The following SPTA1 variants were observed in gnomAD, a reference collection of about 807,000 sequenced individuals.
The protein encoded by SPTA1 is spectrin alpha, erythrocytic 1.
SPTA1 carries 177 observed loss-of-function variants against 324.7 expected under a neutral mutation model. The observed-to-expected ratio is 0.55, with a 90% CI of 0.48 to 0.62. SPTA1 has a LOEUF of 0.62. SPTA1 is among the 20% of genes least tolerant of loss of function. The pLI, the probability that SPTA1 is intolerant of heterozygous loss-of-function variation, is 0.00. For synonymous variants in SPTA1, 1,195 were observed against 1,041.3 expected, an observed-to-expected ratio of 1.15 and a Z score of -2.84; for missense variants, 3,162 against 2,883.6, an observed-to-expected ratio of 1.10 and a Z score of -2.21.
chr1:158,684,714 T>C (rs1655045131), intron 2 of SPTA1, among the ~76,000 whole-genome samples: 1 of 152,154 alleles, frequency 6.6e-6, no homozygotes, highest in Non-Finnish European at 1.5e-5. Flanking sequence ...TTTTTTACTT[T>C]TGGCATTGAT....
chr1:158,629,177 CAAAAT>C (rs1311092224), intron 39 of SPTA1, among the ~76,000 whole-genome samples: 3 of 130,004 alleles, frequency 2.3e-5, no homozygotes, highest in East Asian at 2.3e-4. Context: ...TCAAGAGAGA[CAAAAT>C]ATATCTCTAT....
chr1:158,619,775 G>A (rs1330348513), intron 44 of SPTA1, among the ~76,000 whole-genome samples: 1 of 152,114 alleles, frequency 6.6e-6, no homozygotes, highest in African/African-American at 2.4e-5. Flanking sequence ...TATTAACACA[G>A]ACAAAAGCTA....
chr1:158,620,294 T>G lies in SPTA1; in HGVS notation c.6293A>C (p.Asp2098Ala). 6.2e-7 allele frequency: 1 copy of G among 1,614,086 alleles called. No homozygotes were observed. ...FLASLARAQA[D>A]FKCLLELDQQ... Reference sequence around the variant, plus strand: ...GTCTAGCTCCAGCAAACATTTAAAGTCTGCTTGAGCCCTAGCCAGGGAGGC... The same window carrying G: ...GTCTAGCTCCAGCAAACATTTAAAGGCTGCTTGAGCCCTAGCCAGGGAGGC... Residue 2098 changes from aspartate to alanine, a missense_variant, in exon 44 of 52, where the codon GAC becomes GCC. By Grantham distance (126) the Asp-to-Ala change is moderately radical (BLOSUM62 -2). Transcript: ENST00000643759.
At position 158,656,572 on chromosome 1, in the gene SPTA1, C is replaced by G; in HGVS notation, c.2890G>C (p.Ala964Pro). ...SMKALRNQAN[A>P]CQQQQAAPVE... is the part of the protein sequence containing the mutation. ...CGCTAAGTTAGTCTTACCTGGCAGG[C>G]GTTTGCCTGATTCCGCAGAGCTTTC... Residue 964 changes from alanine to proline, a missense_variant, in exon 20 of 52, where the codon GCC (alanine) becomes CCC (proline). Coordinates refer to ENST00000643759, the MANE Select transcript of SPTA1 (RefSeq NM_003126.4). 1 of 1,613,640 alleles carries G rather than the reference C, an allele frequency of 6.2e-7. No homozygotes were observed. The highest frequency in any genetic ancestry group is 1.1e-5 in the South Asian group (1 of 91,076).
chr1:158,615,090 G>C, intron 48 of SPTA1, 126 bp downstream of exon 48: 2 of 1,029,218 alleles, frequency 1.9e-6, no homozygotes, highest in Non-Finnish European at 3.0e-6. Flanking sequence ...GGGCAGTAAA[G>C]ACCCAGAATA....
chr1:158,626,061 C>A, intron 42 of SPTA1, 85 bp downstream of exon 42: 1 of 1,276,444 alleles, frequency 7.8e-7, no homozygotes, highest in Non-Finnish European at 1.1e-6. Context: ...ACAATAAAAT[C>A]CCAAAATTCA....
rs190580061 is a variant in SPTA1 at position 158,677,019 on chromosome 1, A to G, written c.957+671T>C. Among the ~76,000 whole-genome samples the G allele has an allele frequency of 2.6e-5, 4 of 152,300 alleles. No individual in the cohort carries two copies. In the East Asian group the frequency reaches 7.7e-4, roughly 29 times the overall value. ...GTGGAAGTTTGCAGAAACTGGACACAGGGACAGGCCTAAAATTAAATTACA... is the reference window on the plus strand; with the variant it reads ...GTGGAAGTTTGCAGAAACTGGACACGGGGACAGGCCTAAAATTAAATTACA... On this transcript the variant is annotated intron_variant, in intron 7 of 51. Coordinates refer to ENST00000643759, the MANE Select transcript of SPTA1 (RefSeq NM_003126.4).
intron 18 of SPTA1, among the ~76,000 whole-genome samples, chr1:158,659,094 T>C (rs1327432136): frequency 6.6e-6 from 1 of 152,022 alleles, no homozygotes; most frequent in African/African-American, 2.4e-5. Flanking sequence ...AGGGTGAATT[T>C]TTTTCTCATT....
In SPTA1 at chr1:158,674,368, C is replaced by T; in HGVS notation, c.1311G>A (p.Val437=). ...CATCAGAGGCTTCATGATTGGCATT[C>T]ACGAGGTCTTGACCAGTCTCATCAG... The part of the protein sequence containing the change: ...QSADETGQDL[V]NANHEASDEV... Residue 437 remains valine, a synonymous_variant, in exon 10 of 52, where the codon GTG becomes GTA. Coordinates refer to ENST00000643759, the MANE Select transcript of SPTA1 (RefSeq NM_003126.4). 2 of 1,614,088 alleles carry T rather than the reference C, an allele frequency of 1.2e-6. No homozygotes were observed. The highest frequency in any genetic ancestry group is 2.2e-5 in the East Asian group (1 of 44,882).
At chr1:158,631,213 T>C (rs1571401080) in intron 39 of SPTA1, among the ~76,000 whole-genome samples, 1 of 152,176 alleles carries the variant, frequency 6.6e-6, no homozygotes, top group Non-Finnish European at 1.5e-5. Flanking sequence ...AACCAACTTA[T>C]TGCCCAATTA....
chr1:158,665,461 GGA>G (rs1162441873), intron 16 of SPTA1, among the ~76,000 whole-genome samples: 1 of 152,108 alleles, frequency 6.6e-6, no homozygotes, highest in Non-Finnish European at 1.5e-5. Context: ...GATCTTCTAG[GGA>G]ATGGCGGAAT....
rs1274770230 is a variant in SPTA1, at chr1:158,612,767, G to C, written c.7134+50C>G. ...TAGGCCACCGGGCCTGAGATGACCA[G>C]AATTCAAATTAGGATGACAGTGTAG... On this transcript the variant is annotated intron_variant, in intron 51 of 51. Coordinates refer to ENST00000643759, the MANE Select transcript of SPTA1 (RefSeq NM_003126.4). 1.9e-6 allele frequency: 3 copies of C among 1,610,270 alleles called. No individual in the cohort carries two copies. In the East Asian group the frequency reaches 6.7e-5, roughly 36 times the overall value.
At position 158,651,347 on chromosome 1, in the gene SPTA1, A is replaced by G. The variant is rs1167134285; in HGVS notation, c.3477+20T>C. On this transcript the variant is annotated intron_variant, in intron 24 of 51. Transcript: ENST00000643759. ...AAGCCCAACCTGGTAGTGAGGAGGAATGGAGGGAGCCTTAGTTACCTGCCG... is the reference window on the plus strand; with the variant it reads ...AAGCCCAACCTGGTAGTGAGGAGGAGTGGAGGGAGCCTTAGTTACCTGCCG... 1.3e-6 allele frequency: 2 copies of G among 1,555,298 alleles called. No homozygotes were observed. Among genetic ancestry groups the G allele is most frequent in the East Asian group, 2.2e-5 (1 of 44,562 alleles).
chr1:158,663,966 T>C (rs1653423276), intron 16 of SPTA1, among the ~76,000 whole-genome samples: 1 of 152,232 alleles, frequency 6.6e-6, no homozygotes, highest in Non-Finnish European at 1.5e-5. Flanking sequence ...ATTTTATCTA[T>C]GGCTCCTCAA....
intron 35 of SPTA1, among the ~76,000 whole-genome samples, chr1:158,638,636 T>G (rs1272858407): frequency 6.8e-6 from 1 of 147,646 alleles, no homozygotes; most frequent in Non-Finnish European, 1.5e-5. Flanking sequence ...GCCAACATGG[T>G]GAAACCCTGT....
chr1:158,673,745 A>G (rs1030906495), intron 10 of SPTA1, among the ~76,000 whole-genome samples: 4 of 152,270 alleles, frequency 2.6e-5, no homozygotes, highest in South Asian at 2.1e-4. Flanking sequence ...AATGGAATGG[A>G]GGTTTCAAAT....
chr1:158,677,793 G>A lies in SPTA1; in HGVS notation c.854C>T (p.Pro285Leu), dbSNP rs755259437. ...EAIQWIKEKEPVLTSEDYGKD... is the reference protein window; with the variant it reads ...EAIQWIKEKELVLTSEDYGKD... The stretch of plus-strand genomic sequence containing the variant: ...GCCATAGTCCTCAGAGGTGAGTACA[G>A]GTTCCTTCTCCTTGATCCACTGGAT... Residue 285 changes from proline (P) to leucine (L), a missense_variant, in exon 7 of 52, where the codon CCT (proline) becomes CTT (leucine). Physicochemically the swap from Pro to Leu is moderately conservative, Grantham distance 98. Transcript: ENST00000643759. The A allele has an allele frequency of 3.0e-5, 49 of 1,613,574 alleles. No homozygotes were observed. The highest frequency in any genetic ancestry group is 3.4e-6 in the Non-Finnish European group (4 of 1,179,730).
Position 158,617,494 on chromosome 1 carries a change from T to C in SPTA1, c.6600+43A>G, listed in dbSNP as rs773925565. The C allele has an allele frequency of 5.8e-6, 9 of 1,543,730 alleles. No individual in the cohort carries two copies. The South Asian group carries it at 9.0e-5, about 15-fold the overall frequency. On this transcript the variant is annotated intron_variant, in intron 47 of 51. Transcript: ENST00000643759. ...TAGGTGATTATTTTTACACTCCTTA[T>C]AATTTTGGCAATATCTTCAGTTAAT...
rs941535029 is a variant in SPTA1 at position 158,657,622 on chromosome 1, C to A, written c.2660G>T (p.Arg887Leu). The change falls in exon 19 of 52, where the codon CGA becomes CTA. Residue 887 changes from arginine to leucine, a missense_variant. Physicochemically the swap from Arg to Leu is moderately radical, Grantham distance 102 (BLOSUM62 -2). Coordinates refer to ENST00000643759, the MANE Select transcript of SPTA1 (RefSeq NM_003126.4). ...LNQNMESLRA[R>L]AARRQNDLEA... ...AAGATCATTTTGTCGCCTAGCAGCT[C>A]GAGCACGGAGAGACTCCATATTCTG... 5 of 1,614,098 alleles carry A rather than the reference C, an allele frequency of 3.1e-6. No individual in the cohort carries two copies. The highest frequency in any genetic ancestry group is 4.2e-6 in the Non-Finnish European group (5 of 1,180,012).
Sources: allele counts gnomAD v4.1 joint callset (sites outside exome capture counted in the v4.1 genomes callset), GRCh38; gene constraint gnomAD v4.1.1; transcripts MANE v1.5; gene names NCBI Gene and HGNC (gene_info 2026-07-23, HGNC 2026-07-21).